Variants in DNAJC8 observed in about 807,000 individuals in gnomAD.
DNAJC8 encodes dnaJ homolog subfamily C member 8.
Under a neutral mutation model 43.2 loss-of-function variants are expected in DNAJC8, and 24 were observed. That is an observed-to-expected ratio of 0.56 (90% CI 0.40 to 0.78). The LOEUF (loss-of-function observed/expected upper bound fraction) is 0.78, where lower values mean the gene tolerates loss of function less well. Ranked by LOEUF, DNAJC8 falls within the 30% of genes least tolerant of loss-of-function variation. The probability of loss-of-function intolerance (pLI) is 0.00; values close to 1 mark genes in which losing one functional copy is unlikely to be tolerated. For missense variants in DNAJC8, 207 were observed against 299.4 expected (o/e 0.69, Z 2.28); for synonymous variants, 83 against 98.0 (o/e 0.85, Z 0.90).
intron 2 of DNAJC8, among the ~76,000 whole-genome samples, chr1:28,224,785 G>C (rs544984104): frequency 1.3e-5 from 2 of 151,144 alleles, no homozygotes; most frequent in Non-Finnish European, 2.9e-5. Flanking sequence ...CAGGGAGGCT[G>C]AGTCAGGAGA....
In DNAJC8 at chr1:28,201,521, G is replaced by C. The variant is rs1646733161; in HGVS notation, c.640-151C>G. 6.4e-6 allele frequency: 8 copies of C among 1,246,268 alleles called. No individual in the cohort carries two copies. In the Admixed American group the frequency reaches 1.5e-4, roughly 23 times the overall value. 77.2% of individuals were successfully genotyped at this position (1,246,268 alleles called of 1,614,324 possible). On this transcript the variant is annotated intron_variant, in intron 8 of 8. Coordinates refer to ENST00000263697, the MANE Select transcript of DNAJC8 (RefSeq NM_014280.3). ...AGAATAGAGCTGGCCAGGCACAGTG[G>C]CTCATACCTATAATCCCAGCACTTC...
At chr1:28,232,771 G>T (rs1460145493) in intron 1 of DNAJC8, 150 bp downstream of exon 1, 4 of 709,008 alleles carry the variant, frequency 5.6e-6, no homozygotes, top group Non-Finnish European at 9.3e-6. Flanking sequence ...AGTGGGAGAC[G>T]CTCACACACC....
chr1:28,200,920 A>G lies in DNAJC8; in HGVS notation c.*328T>C, dbSNP rs1183637592. On this transcript the variant is annotated 3_prime_UTR_variant, in exon 9 of 9. Coordinates refer to ENST00000263697, the MANE Select transcript of DNAJC8 (RefSeq NM_014280.3). Reference sequence around the variant, plus strand: ...TTTAATTGGATGATTTCCACAAACTATCCACGAAGTTTCTAACCATCACAA... The same window carrying G: ...TTTAATTGGATGATTTCCACAAACTGTCCACGAAGTTTCTAACCATCACAA... 1 of 379,532 alleles carries G rather than the reference A, an allele frequency of 2.6e-6. No individual in the cohort carries two copies. Among genetic ancestry groups the G allele is most frequent in the Non-Finnish European group, 5.0e-6 (1 of 198,640 alleles). 23.5% of individuals were successfully genotyped at this position (379,532 alleles called of 1,614,324 possible). A position where few individuals can be genotyped will look rare whatever the true frequency, so the allele number is the denominator to read the frequency against.
intron 3 of DNAJC8, among the ~76,000 whole-genome samples, chr1:28,212,168 A>AATTATATATAT (rs1646815634): frequency 3.2e-5 from 1 of 31,022 alleles, no homozygotes; most frequent in Non-Finnish European, 7.0e-5. Flanking sequence ...TAAATAAATA[A>AATTATATATAT]ATATATATAT....
chr1:28,204,368 G>C (rs1369621929), intron 7 of DNAJC8, among the ~76,000 whole-genome samples: 2 of 151,998 alleles, frequency 1.3e-5, no homozygotes, highest in Non-Finnish European at 2.9e-5. Context: ...ATCATGTGAG[G>C]TCAGGAGTTC....
intron 2 of DNAJC8, among the ~76,000 whole-genome samples, chr1:28,227,351 T>C (rs1405125904): frequency 7.0e-6 from 1 of 142,594 alleles, no homozygotes; most frequent in East Asian, 2.0e-4. Context: ...GGAGGTGCAG[T>C]GAGCCAAGAT....
chr1:28,225,096 G>T lies in DNAJC8; in HGVS notation c.180+3826C>A, dbSNP rs965670589. On this transcript the variant is annotated intron_variant, in intron 2 of 8. Transcript: ENST00000263697. ...CTGAATGGGGTCTGATGATTATATA[G>T]TAACAATGTATCCAGAGAGGCCCTG... Among the ~76,000 whole-genome samples the T allele has an allele frequency of 3.3e-5, 5 of 151,370 alleles. 1 individual carries two copies. The highest frequency in any genetic ancestry group is 1.3e-4 in the Admixed American group (2 of 15,168).
At position 28,205,358 on chromosome 1, in the gene DNAJC8, A is replaced by G. The variant is rs1303688021; in HGVS notation, c.472-9T>C. On this transcript the variant is annotated splice_polypyrimidine_tract_variant and intron_variant, in intron 6 of 8. Coordinates refer to ENST00000263697, the MANE Select transcript of DNAJC8 (RefSeq NM_014280.3). ...TATACAGCTTGTTTGAACTACAGGA[A>G]AATCAAGAACAAAAGAAAATCAGAG... is the stretch of plus-strand genomic sequence containing the variant. The G allele has an allele frequency of 1.3e-6, 2 of 1,593,142 alleles. No individual in the cohort carries two copies. The highest frequency in any genetic ancestry group is 1.7e-6 in the Non-Finnish European group (2 of 1,168,836).
In DNAJC8 at chr1:28,209,921, C is replaced by T. The variant is rs976751268; in HGVS notation, c.399+51G>A. 1.9e-6 allele frequency: 3 copies of T among 1,561,530 alleles called. No homozygotes were observed. The African/African-American group carries it at 4.1e-5, about 21-fold the overall frequency. On this transcript the variant is annotated intron_variant, in intron 5 of 8. Coordinates refer to ENST00000263697, the MANE Select transcript of DNAJC8 (RefSeq NM_014280.3). ...TCATATGTACCCTTCTACAAGGTGC[C>T]CAAGGCTTGCTGATACTTCCTGTAA...
At chr1:28,209,549 A>T (rs1646795189) in intron 5 of DNAJC8, among the ~76,000 whole-genome samples, 1 of 152,132 alleles carries the variant, frequency 6.6e-6, no homozygotes, top group African/African-American at 2.4e-5. Context: ...CTCCTATTTT[A>T]AAAAAAGTTT....
chr1:28,221,221 C>G (rs1344890664), intron 2 of DNAJC8, among the ~76,000 whole-genome samples: 1 of 151,952 alleles, frequency 6.6e-6, no homozygotes, highest in Non-Finnish European at 1.5e-5. Context: ...CGCCTGTAGT[C>G]CCAGCTACTC....
intron 1 of DNAJC8, among the ~76,000 whole-genome samples, chr1:28,232,716 A>G (rs533015720): frequency 1.8e-4 from 28 of 152,212 alleles, no homozygotes; most frequent in Non-Finnish European, 4.0e-4. Flanking sequence ...TAGATCGAAC[A>G]CCATTCCCTC....
At chr1:28,205,464 G>A in intron 6 of DNAJC8, 115 bp from the exon 7 acceptor site, 1 of 694,686 alleles carries the variant, frequency 1.4e-6, no homozygotes, top group African/African-American at 1.8e-5. Flanking sequence ...GGCACAGGCT[G>A]TGCACCGTGG....
At chr1:28,220,991 A>G (rs1646894341) in intron 2 of DNAJC8, among the ~76,000 whole-genome samples, 1 of 151,940 alleles carries the variant, frequency 6.6e-6, no homozygotes, top group African/African-American at 2.4e-5. Context: ...TTGCATTCAG[A>G]TAAGTTCCTG....
rs189631569 is a variant in DNAJC8, at chr1:28,215,162, T to C, written c.181-166A>G. Among the ~76,000 whole-genome samples, 137 of 152,280 alleles carry C rather than the reference T, an allele frequency of 9.0e-4. 1 individual carries two copies. The Middle Eastern group carries it at 0.01, about 11-fold the overall frequency. On this transcript the variant is annotated intron_variant, in intron 2 of 8. Coordinates refer to ENST00000263697, the MANE Select transcript of DNAJC8 (RefSeq NM_014280.3). ...CTAGAAATTGCTAAAGAAATATGAA[T>C]GATCAAATCAACAGAATAACAATTA...
intron 8 of DNAJC8, among the ~76,000 whole-genome samples, chr1:28,201,906 G>A (rs1482882669): frequency 1.3e-5 from 2 of 151,386 alleles, no homozygotes; most frequent in Non-Finnish European, 2.9e-5. Context: ...TGACCAATAT[G>A]GAGAAACCCC....
chr1:28,210,383 G>C (rs1646802754), intron 4 of DNAJC8, 188 bp downstream of exon 4: 1 of 582,882 alleles, frequency 1.7e-6, no homozygotes, highest in African/African-American at 1.9e-5. Context: ...TTTTAACAAA[G>C]CAAAGTTAAG....
At chr1:28,223,176 C>T (rs1646910507) in intron 2 of DNAJC8, among the ~76,000 whole-genome samples, 1 of 151,924 alleles carries the variant, frequency 6.6e-6, no homozygotes, top group African/African-American at 2.4e-5. Context: ...GTTCAGAGCC[C>T]AAAAAATATG....
chr1:28,211,933 A>G (rs1646812994), intron 3 of DNAJC8, among the ~76,000 whole-genome samples: 1 of 151,660 alleles, frequency 6.6e-6, no homozygotes, highest in Non-Finnish European at 1.5e-5. Context: ...AGGCTGGCAG[A>G]TCACTTGAGG....
Sources: gnomAD v4.1 joint callset for allele counts (sites outside exome capture counted in the v4.1 genomes callset) on GRCh38, gnomAD v4.1.1 for gene constraint, MANE v1.5 for transcripts, NCBI Gene and HGNC (gene_info 2026-07-23, HGNC 2026-07-21) for gene names.